The following TTC16 variants were observed in gnomAD, a reference collection of about 807,000 sequenced individuals.
TTC16 encodes tetratricopeptide repeat domain 16, also known as tetratricopeptide repeat protein 16.
Under a neutral mutation model 80.4 loss-of-function variants are expected in TTC16, and 66 were observed. That is an observed-to-expected ratio of 0.82 (90% CI 0.67 to 1.01). TTC16 has a LOEUF of 1.01. TTC16 is among the 50% of genes least tolerant of loss of function. The pLI is 0.00. For synonymous variants in TTC16, 438 were observed against 451.3 expected (o/e 0.97, Z 0.37); for missense variants, 1,070 against 1,103.2 (o/e 0.97, Z 0.43).
Position 127,716,890 on chromosome 9 carries a change from C to G in TTC16, c.65C>G (p.Pro22Arg). Reference sequence around the variant, plus strand: ...GGCCCCTCACGGGACATCCCAAAGCCATGGGTGATTCCAGCCCCCAAAGGG... The same window carrying G: ...GGCCCCTCACGGGACATCCCAAAGCGATGGGTGATTCCAGCCCCCAAAGGG... ...DQGPSRDIPKPWVIPAPKGIL... is the reference protein window; with the variant it reads ...DQGPSRDIPKRWVIPAPKGIL... The change falls in exon 2 of 14, where the codon CCA (proline) becomes CGA (arginine). Residue 22 changes from proline to arginine, a missense_variant. Physicochemically the swap from Pro to Arg is moderately radical, Grantham distance 103. Coordinates refer to ENST00000373289, the MANE Select transcript of TTC16 (RefSeq NM_144965.3). 6.2e-7 allele frequency: 1 copy of G among 1,614,048 alleles called. No homozygotes were observed. The highest frequency in any genetic ancestry group is 1.7e-5 in the Admixed American group (1 of 60,010).
intron 8 of TTC16, 110 bp from the exon 9 acceptor site, chr9:127,724,646 G>T (rs902661040): frequency 1.4e-6 from 2 of 1,415,662 alleles, no homozygotes; most frequent in Non-Finnish European, 1.9e-6. Context: ...TGCGGCGGGG[G>T]GTTATCAGCC....
At chr9:127,728,646 T>G (rs1844160011) in intron 12 of TTC16, 1 of 152,148 alleles carries the variant, frequency 6.6e-6, no homozygotes, top group East Asian at 1.9e-4. Context: ...AATACAAACA[T>G]TAGCCAGGCA....
Position 127,726,969 on chromosome 9 carries a change from G to A in TTC16, c.1426-1G>A. On this transcript the variant is annotated splice_acceptor_variant, in intron 10 of 13. Transcript: ENST00000373289. LOFTEE classifies it high-confidence loss of function. ...GCTCTGGTCACCCCCTTTCGTGGCA[G>A]CTGTCCCTGCTGATGACCAACCTCT... The A allele has an allele frequency of 1.2e-6, 2 of 1,613,168 alleles. No homozygotes were observed. Among genetic ancestry groups the A allele is most frequent in the Admixed American group, 1.7e-5 (1 of 60,026 alleles).
rs1174694064 is a variant in TTC16 at position 127,729,925 on chromosome 9, C to T, written c.1852+257C>T. 12 of 490,010 alleles carry T rather than the reference C, an allele frequency of 2.4e-5. No individual in the cohort carries two copies. The Admixed American group carries it at 3.1e-4, about 13-fold the overall frequency. 30.4% of individuals were successfully genotyped at this position (490,010 alleles called of 1,614,324 possible). On this transcript the variant is annotated intron_variant, in intron 13 of 13. Transcript: ENST00000373289. ...CCTAGCCCTGTCCCTGAAATAAGCC[C>T]ACAAACCTTGTGCATGGCCAGGGGG...
rs1205907336 is a variant in TTC16, at chr9:127,724,336, G to C, written c.1089G>C (p.Gln363His). 4 of 1,612,756 alleles carry C rather than the reference G, an allele frequency of 2.5e-6. No homozygotes were observed. In the South Asian group the frequency reaches 4.4e-5, roughly 18 times the overall value. Residue 363 changes from glutamine to histidine, a missense_variant, in exon 8 of 14, where the codon CAG (glutamine) becomes CAC (histidine). Coordinates refer to ENST00000373289, the MANE Select transcript of TTC16 (RefSeq NM_144965.3). ...LLNKALRDEQ[Q>H]EKGLYINRGD... ...ACAAGGCCCTCCGGGACGAGCAGCA[G>C]GAGAAAGGACTCTACATCAACCGAG...
intron 10 of TTC16, among the ~76,000 whole-genome samples, 187 bp downstream of exon 10, chr9:127,726,591 C>T (rs901483114): frequency 3.9e-5 from 6 of 151,930 alleles, no homozygotes; most frequent in African/African-American, 1.2e-4. Flanking sequence ...AGTTCGAGAC[C>T]CACCGGGCCA....
In TTC16 at chr9:127,731,417, A is replaced by G. The variant is rs1300664348; in HGVS notation, c.*12A>G. On this transcript the variant is annotated 3_prime_UTR_variant, in exon 14 of 14. Transcript: ENST00000373289. ...ATGAAGCTGTCTGAAGGGACCATCC[A>G]GACCCTCCCTTCTTGCTGGGGAGGG... The G allele has an allele frequency of 6.3e-7, 1 of 1,596,030 alleles. No individual in the cohort carries two copies. Among genetic ancestry groups the G allele is most frequent in the South Asian group, 1.1e-5 (1 of 89,730 alleles).
At chr9:127,719,736 A>C (rs1843304662) in intron 4 of TTC16, among the ~76,000 whole-genome samples, 1 of 152,134 alleles carries the variant, frequency 6.6e-6, no homozygotes. Context: ...CAAGTGATCC[A>C]CCTGCCTGGG....
chr9:127,726,976 C>G lies in TTC16; in HGVS notation c.1432C>G (p.Leu478Val), dbSNP rs1294385395. The part of the protein sequence containing the change: ...LLNPKQPKLS[L>V]LMTNLFPGMS... The stretch of plus-strand genomic sequence containing the variant: ...TCACCCCCTTTCGTGGCAGCTGTCC[C>G]TGCTGATGACCAACCTCTTCCCGGG... The change falls in exon 11 of 14, where the codon CTG becomes GTG. Residue 478 changes from leucine to valine, a missense_variant. Physicochemically the swap from Leu to Val is conservative, Grantham distance 32. Coordinates refer to ENST00000373289, the MANE Select transcript of TTC16 (RefSeq NM_144965.3). The G allele has an allele frequency of 1.2e-6, 2 of 1,613,262 alleles. No individual in the cohort carries two copies. The highest frequency in any genetic ancestry group is 2.2e-5 in the South Asian group (2 of 91,080).
rs1433321067 is a variant in TTC16, at chr9:127,724,194, C to T, written c.947C>T (p.Thr316Ile). The T allele has an allele frequency of 6.2e-7, 1 of 1,613,194 alleles. No individual in the cohort carries two copies. The highest frequency in any genetic ancestry group is 1.3e-5 in the African/African-American group (1 of 74,936). Residue 316 changes from threonine (T) to isoleucine (I), a missense_variant, in exon 8 of 14, where the codon ACC (threonine) becomes ATC (isoleucine). Thr to Ile is a moderately conservative substitution (Grantham distance 89). Coordinates refer to ENST00000373289, the MANE Select transcript of TTC16 (RefSeq NM_144965.3). ...TTCCTGAAGGTGCTGGACATGGTGA[C>T]CGAGGACCAGGAGGACATGGTGCGG... ...EDFLKVLDMV[T>I]EDQEDMVRQA...
At chr9:127,720,436 G>A in intron 6 of TTC16, 41 bp downstream of exon 6, 2 of 1,608,740 alleles carry the variant, frequency 1.2e-6, no homozygotes, top group East Asian at 2.2e-5. Flanking sequence ...CCCCCAACCT[G>A]GGAGTCCTCA....
At chr9:127,724,554 G>T in intron 8 of TTC16, 190 bp downstream of exon 8, 1 of 1,071,982 alleles carries the variant, frequency 9.3e-7, no homozygotes. Context: ...TAGACAAACT[G>T]GCTCCAGACT....
chr9:127,729,968 T>C (rs1472098811), intron 13 of TTC16: 1 of 378,666 alleles, frequency 2.6e-6, no homozygotes, highest in Non-Finnish European at 4.9e-6. Context: ...CCCCAGTACA[T>C]AGGGCCCTAG....
rs201988703 is a variant in TTC16 at position 127,726,326 on chromosome 9, C to A, written c.1347C>A (p.Ser449Arg). 2.3e-5 allele frequency: 37 copies of A among 1,612,324 alleles called. No individual in the cohort carries two copies. The East Asian group carries it at 8.0e-4, about 35-fold the overall frequency. ...AGTACTACCTGTACCGGGCCAAGAG[C>A]CGGCAGCTGCTGCAGAACATTTTTG... is the stretch of plus-strand genomic sequence containing the variant. ...KAQYYLYRAK[S>R]RQLLQNIFGA... The change falls in exon 10 of 14, where the codon AGC becomes AGA. Residue 449 changes from serine (S) to arginine (R), a missense_variant. Transcript: ENST00000373289.
At chr9:127,727,587 C>G in intron 12 of TTC16, 122 bp downstream of exon 12, 1 of 1,441,624 alleles carries the variant, frequency 6.9e-7, no homozygotes, top group Non-Finnish European at 9.1e-7. Flanking sequence ...TGCACTCCCT[C>G]AGCTGTGTGA....
chr9:127,731,508 G>A lies in TTC16; in HGVS notation c.*103G>A. The A allele has an allele frequency of 1.3e-6, 2 of 1,498,388 alleles. No homozygotes were observed. Among genetic ancestry groups the A allele is most frequent in the Non-Finnish European group, 1.8e-6 (2 of 1,127,636 alleles). The allele number at this position is 1,498,388 out of a possible 1,614,324, so 92.8% of individuals were successfully genotyped here. A position where few individuals can be genotyped will look rare whatever the true frequency, so the allele number is the denominator to read the frequency against. On this transcript the variant is annotated 3_prime_UTR_variant, in exon 14 of 14. Coordinates refer to ENST00000373289, the MANE Select transcript of TTC16 (RefSeq NM_144965.3). Reference sequence around the variant, plus strand: ...CTGCCTCCTTCCAGAGCAATTAAAAGTCTTAGCAACAGTCCTCTGGTCCCA... The same window carrying A: ...CTGCCTCCTTCCAGAGCAATTAAAAATCTTAGCAACAGTCCTCTGGTCCCA...
intron 11 of TTC16, 46 bp from the exon 12 acceptor site, chr9:127,727,224 C>A: frequency 6.5e-7 from 1 of 1,531,730 alleles, no homozygotes; most frequent in Non-Finnish European, 8.8e-7. Flanking sequence ...GAGAGACCAG[C>A]ATGGGCCAGG....
intron 9 of TTC16, among the ~76,000 whole-genome samples, chr9:127,725,166 C>A (rs942873198): frequency 6.6e-6 from 1 of 152,138 alleles, no homozygotes; most frequent in Non-Finnish European, 1.5e-5. Flanking sequence ...CCCAGCTACT[C>A]AGGAGGCTGA....
At position 127,716,905 on chromosome 9, in the gene TTC16, C is replaced by T. The variant is rs1843065986; in HGVS notation, c.80C>T (p.Ala27Val). Residue 27 changes from alanine to valine, a missense_variant, in exon 2 of 14, where the codon GCC (alanine) becomes GTC (valine). Coordinates refer to ENST00000373289, the MANE Select transcript of TTC16 (RefSeq NM_144965.3). ...ATCCCAAAGCCATGGGTGATTCCAG[C>T]CCCCAAAGGGATCCTGCAGCACATC... is the stretch of plus-strand genomic sequence containing the variant. ...RDIPKPWVIP[A>V]PKGILQHIFG... 1.4e-5 allele frequency: 23 copies of T among 1,613,940 alleles called. No homozygotes were observed. The highest frequency in any genetic ancestry group is 1.7e-5 in the Non-Finnish European group (20 of 1,179,990).
Sources: allele counts gnomAD v4.1 joint callset (sites outside exome capture counted in the v4.1 genomes callset), GRCh38; gene constraint gnomAD v4.1.1; transcripts MANE v1.5; gene names NCBI Gene and HGNC (gene_info 2026-07-23, HGNC 2026-07-21).